Variants in CSMD2 observed in about 807,000 individuals in gnomAD.
CSMD2 encodes the protein CUB and sushi domain-containing protein 2.
CSMD2 carries 130 observed loss-of-function variants against 398.5 expected under a neutral mutation model. That is an observed-to-expected ratio of 0.33 (90% CI 0.28 to 0.38). CSMD2 has a LOEUF of 0.38. Among genes scored for constraint, CSMD2 ranks in the 10% least tolerant of loss-of-function variants. The pLI, the probability that CSMD2 is intolerant of heterozygous loss-of-function variation, is 1.00. For missense variants in CSMD2, 3,829 were observed against 4,764.9 expected, an observed-to-expected ratio of 0.80 and a Z score of 5.78; for synonymous variants, 1,828 against 1,908.5, an observed-to-expected ratio of 0.96 and a Z score of 1.10.
intron 24 of CSMD2, among the ~76,000 whole-genome samples, chr1:33,697,827 T>C (rs1557748080): frequency 6.6e-6 from 1 of 152,252 alleles, no homozygotes; most frequent in East Asian, 1.9e-4. Context: ...CAGGTTTTAT[T>C]CTTCATTTAT....
At chr1:33,742,589 C>T (rs866544470) in intron 14 of CSMD2, among the ~76,000 whole-genome samples, 3 of 141,922 alleles carry the variant, frequency 2.1e-5, no homozygotes, top group Admixed American at 7.0e-5. Flanking sequence ...CCCCCCCCCC[C>T]CAACCCCCTC....
intron 26 of CSMD2, among the ~76,000 whole-genome samples, chr1:33,662,018 G>C (rs1464505129): frequency 2.6e-5 from 4 of 151,506 alleles, no homozygotes; most frequent in Admixed American, 6.6e-5. Context: ...AACCGAAGCA[G>C]AGTCACTTGA....
chr1:33,664,392 AAC>A (rs1644240981), intron 25 of CSMD2, among the ~76,000 whole-genome samples: 1 of 152,244 alleles, frequency 6.6e-6, no homozygotes, highest in Non-Finnish European at 1.5e-5. Context: ...ATTGTTATAT[AAC>A]ACAATTTCAC....
At chr1:33,926,969 C>G (rs1252370280) in intron 4 of CSMD2, among the ~76,000 whole-genome samples, 1 of 152,194 alleles carries the variant, frequency 6.6e-6, no homozygotes, top group African/African-American at 2.4e-5. Flanking sequence ...AGGGTACCAT[C>G]TTGCATGCCT....
intron 10 of CSMD2, among the ~76,000 whole-genome samples, chr1:33,810,385 C>A (rs1028162401): frequency 2.6e-5 from 4 of 152,034 alleles, no homozygotes; most frequent in African/African-American, 9.7e-5. Context: ...CACTTAAGTG[C>A]TAAGTATAAA....
intron 5 of CSMD2, among the ~76,000 whole-genome samples, chr1:33,898,195 A>T (rs1642517465): frequency 6.6e-6 from 1 of 152,196 alleles, no homozygotes; most frequent in South Asian, 2.1e-4. Context: ...CATGATAACC[A>T]AACATCCCAC....
Position 33,658,139 on chromosome 1 carries a change from T to TGGGGCAAGGAAATAGAAGAG in CSMD2, c.4256-22_4256-3dup. ...CATTGCAGGACGTTGCTGTGGACAC[T>TGGGGCAAGGAAATAGAAGAG]GGGGCAAGGAAATAGAAGAGAGGGT... On this transcript the variant is annotated splice_region_variant and splice_polypyrimidine_tract_variant and intron_variant, in intron 26 of 70. Coordinates refer to ENST00000373381, the MANE Select transcript of CSMD2 (RefSeq NM_001281956.2). 6.2e-7 allele frequency: 1 copy of TGGGGCAAGGAAATAGAAGAG among 1,611,766 alleles called. No individual in the cohort carries two copies. The highest frequency in any genetic ancestry group is 8.5e-7 in the Non-Finnish European group (1 of 1,178,090).
chr1:33,734,206 C>G (rs530690171), intron 15 of CSMD2, among the ~76,000 whole-genome samples: 3 of 152,266 alleles, frequency 2.0e-5, no homozygotes, highest in South Asian at 2.1e-4. Flanking sequence ...TTAAAAGTAA[C>G]ACATTTGGTG....
chr1:33,810,873 G>T lies in CSMD2; in HGVS notation c.1325-9C>A. 6.2e-7 allele frequency: 1 copy of T among 1,609,394 alleles called. No individual in the cohort carries two copies. ...GGCATCACACATGCGGGCTGCAGAG[G>T]AGATGAAAGACAAGCCTTTGAATTA... On this transcript the variant is annotated splice_polypyrimidine_tract_variant and intron_variant, in intron 9 of 70. Coordinates refer to ENST00000373381, the MANE Select transcript of CSMD2 (RefSeq NM_001281956.2).
At chr1:34,096,213 C>G (rs1659280109) in intron 1 of CSMD2, among the ~76,000 whole-genome samples, 1 of 151,992 alleles carries the variant, frequency 6.6e-6, no homozygotes, top group Non-Finnish European at 1.5e-5. Flanking sequence ...TTCAACAACC[C>G]TTCATGCTAA....
At chr1:33,952,675 TACACACACAC>T (rs71740719) in intron 3 of CSMD2, among the ~76,000 whole-genome samples, 1,936 of 148,716 alleles carry the variant, frequency 0.013, 46 homozygotes, top group African/African-American at 0.042. Flanking sequence ...TTTTGTTGTT[TACACACACAC>T]ACACACACAC....
At chr1:33,731,458 T>G (rs1023958504) in intron 15 of CSMD2, among the ~76,000 whole-genome samples, 64 of 152,254 alleles carry the variant, frequency 4.2e-4, no homozygotes, top group African/African-American at 1.2e-3. Flanking sequence ...AAATGGAAGT[T>G]CAATCTGATT....
intron 10 of CSMD2, among the ~76,000 whole-genome samples, chr1:33,800,815 G>A (rs1357178832): frequency 6.6e-6 from 1 of 152,158 alleles, no homozygotes; most frequent in Non-Finnish European, 1.5e-5. Context: ...GCTGTAAAAG[G>A]GAAAGGAATG....
At position 33,698,754 on chromosome 1, in the gene CSMD2, G is replaced by A. The variant is rs543673574; in HGVS notation, c.3924C>T (p.Val1308=). ...RTWDRPLPTC[V]AECGGTVRGE... is the part of the protein sequence containing the mutation. ...CCTGCAGAGGAAGAGCCCTCCTACC[G>A]ACACAGGTGGGCAGAGGCCGGTCCC... The change falls in exon 24 of 71, where the codon GTC becomes GTT. Residue 1308 remains valine (V), a splice_region_variant and synonymous_variant. Coordinates refer to ENST00000373381, the MANE Select transcript of CSMD2 (RefSeq NM_001281956.2). 9.0e-5 allele frequency: 145 copies of A among 1,610,858 alleles called. No individual in the cohort carries two copies. The African/African-American group carries it at 1.1e-3, about 12-fold the overall frequency.
At chr1:34,092,440 G>T (rs1448741919) in intron 1 of CSMD2, among the ~76,000 whole-genome samples, 1 of 152,226 alleles carries the variant, frequency 6.6e-6, no homozygotes, top group Non-Finnish European at 1.5e-5. Flanking sequence ...CCCGTCCACA[G>T]CTCCCAGCGT....
chr1:34,099,497 G>A (rs1350129969), intron 1 of CSMD2, among the ~76,000 whole-genome samples: 1 of 152,190 alleles, frequency 6.6e-6, no homozygotes. Flanking sequence ...CTCTGCCTTG[G>A]CTCAGACCTG....
At chr1:33,621,976 A>G (rs1557636015) in intron 37 of CSMD2, among the ~76,000 whole-genome samples, 191 bp downstream of exon 37, 1 of 152,184 alleles carries the variant, frequency 6.6e-6, no homozygotes, top group Non-Finnish European at 1.5e-5. Context: ...AGTAACAGAC[A>G]CTTGGACGAG....
rs553029314 is a variant in CSMD2, at chr1:33,585,151, A to C, written c.7052-1321T>G. ...AAGGTGTGCATTGACAATAGTTGTAAGTATTCTTATCACTGCACACGGAGA... is the reference window on the plus strand; with the variant it reads ...AAGGTGTGCATTGACAATAGTTGTACGTATTCTTATCACTGCACACGGAGA... On this transcript the variant is annotated intron_variant, in intron 46 of 70. Coordinates refer to ENST00000373381, the MANE Select transcript of CSMD2 (RefSeq NM_001281956.2). 1.3e-4 allele frequency among the ~76,000 whole-genome samples: 20 copies of C among 152,318 alleles called. No individual in the cohort carries two copies. The South Asian group carries it at 1.9e-3, about 14-fold the overall frequency.
At position 34,163,108 on chromosome 1, in the gene CSMD2, G is replaced by A. The variant is rs562041600; in HGVS notation, c.187+1803C>T. On this transcript the variant is annotated intron_variant, in intron 1 of 70. Transcript: ENST00000373381. This position sits in a 1 kb window ranked among gnomAD's most constrained non-coding sequence, Gnocchi z 5.4. ...CCCCTAGGGGCAGGATATGCCCAAG[G>A]GGCAGGGACAAATCTAGCCAGAAAA... 6.6e-6 allele frequency among the ~76,000 whole-genome samples: 1 copy of A among 152,246 alleles called. No individual in the cohort carries two copies. Among genetic ancestry groups the A allele is most frequent in the South Asian group, 2.1e-4 (1 of 4,834 alleles).
Sources: allele counts gnomAD v4.1 joint callset (sites outside exome capture counted in the v4.1 genomes callset), GRCh38; gene constraint gnomAD v4.1.1; non-coding constraint Gnocchi (gnomAD v3.1); transcripts MANE v1.5; gene names NCBI Gene and HGNC (gene_info 2026-07-23, HGNC 2026-07-21).